The following PNPLA1 variants were observed in gnomAD, a reference collection of about 807,000 sequenced individuals.
PNPLA1 encodes omega-hydroxyceramide transacylase.
A neutral mutation model predicts 51.7 loss-of-function variants in PNPLA1; 36 were observed. The observed-to-expected ratio is 0.70, with a 90% CI of 0.53 to 0.92. The LOEUF is 0.92. Ranked by LOEUF, PNPLA1 falls within the 40% of genes least tolerant of loss-of-function variation. The probability of loss-of-function intolerance (pLI) is 0.00; values close to 1 mark genes in which losing one functional copy is unlikely to be tolerated. For missense variants in PNPLA1, 658 were observed against 682.5 expected (o/e 0.96, Z 0.40); for synonymous variants, 293 against 280.1 (o/e 1.05, Z -0.46).
At chr6:36,299,711 T>C (rs1770972942) in intron 5 of PNPLA1, among the ~76,000 whole-genome samples, 1 of 152,236 alleles carries the variant, frequency 6.6e-6, no homozygotes, top group Non-Finnish European at 1.5e-5. Flanking sequence ...TAACTTATTG[T>C]GGTTTTAATC....
intron 1 of PNPLA1, among the ~76,000 whole-genome samples, chr6:36,247,185 C>A (rs961383561): frequency 6.6e-6 from 1 of 152,142 alleles, no homozygotes; most frequent in African/African-American, 2.4e-5. Flanking sequence ...AAACCTCTTT[C>A]CGGCTCGTGC....
chr6:36,275,717 T>G (rs12202603), intron 1 of PNPLA1, among the ~76,000 whole-genome samples: 43,400 of 152,024 alleles, frequency 0.29, 6,267 homozygotes, highest in South Asian at 0.39. Context: ...TCCTTTTTTC[T>G]TCTTCAAATA....
chr6:36,257,438 A>G (rs1209589645), intron 1 of PNPLA1, among the ~76,000 whole-genome samples: 1 of 152,272 alleles, frequency 6.6e-6, no homozygotes, highest in African/African-American at 2.4e-5. Context: ...TAGATGGCAC[A>G]GCACATAGGC....
rs572933644 is a variant in PNPLA1 at position 36,282,396 on chromosome 6, A to C, written c.206-8924A>C. On this transcript the variant is annotated intron_variant, in intron 1 of 8. Transcript: ENST00000636260. ...GAACCAGTATCTTCCATCTCACTCA[A>C]ATGAACTTATGCTTTACATGTTTAA... Among the ~76,000 whole-genome samples, 8 of 152,326 alleles carry C rather than the reference A, an allele frequency of 5.3e-5. No homozygotes were observed. In the South Asian group the frequency reaches 1.7e-3, roughly 32 times the overall value.
At position 36,294,707 on chromosome 6, in the gene PNPLA1, C is replaced by G. The variant is rs1781708285; in HGVS notation, c.714+308C>G. 6.6e-6 allele frequency among the ~76,000 whole-genome samples: 1 copy of G among 152,176 alleles called. No individual in the cohort carries two copies. Among genetic ancestry groups the G allele is most frequent in the Non-Finnish European group, 1.5e-5 (1 of 68,038 alleles). On this transcript the variant is annotated intron_variant, in intron 4 of 8. Coordinates refer to ENST00000636260, the MANE Select transcript of PNPLA1 (RefSeq NM_001374623.1). This position sits in a 1 kb window ranked among gnomAD's most constrained non-coding sequence, Gnocchi z 4.2. ...ATGTCCCAAATCAAAGGTCGGCAAGCTGCAGCCCACGGGCCAAATCTAGCC... is the reference window on the plus strand; with the variant it reads ...ATGTCCCAAATCAAAGGTCGGCAAGGTGCAGCCCACGGGCCAAATCTAGCC...
chr6:36,277,560 A>G (rs956145653), intron 1 of PNPLA1, among the ~76,000 whole-genome samples: 3 of 152,196 alleles, frequency 2.0e-5, no homozygotes, highest in Admixed American at 2.0e-4. Flanking sequence ...GACCAAAACC[A>G]TGACTTCCTA....
rs149318492 is a variant in PNPLA1, at chr6:36,304,898, G to T, written c.1385-1394G>T. Among the ~76,000 whole-genome samples the T allele has an allele frequency of 3.9e-4, 60 of 152,258 alleles. 1 individual carries two copies. In the East Asian group the frequency reaches 0.011, roughly 28 times the overall value. ...TTTAGCAATGTCTGCAGACATTTTGGTTGTCACCTAGTGGTTACAGGCTGG... is the reference window on the plus strand; with the variant it reads ...TTTAGCAATGTCTGCAGACATTTTGTTTGTCACCTAGTGGTTACAGGCTGG... On this transcript the variant is annotated intron_variant, in intron 6 of 8. Transcript: ENST00000636260.
intron 5 of PNPLA1, among the ~76,000 whole-genome samples, chr6:36,300,356 G>T (rs557882064): frequency 2.0e-4 from 30 of 152,018 alleles, no homozygotes; most frequent in Admixed American, 1.4e-3. Flanking sequence ...CACTACCCCC[G>T]GCTAATTTTT....
intron 1 of PNPLA1, among the ~76,000 whole-genome samples, chr6:36,256,323 T>A (rs775235471): frequency 8.6e-5 from 13 of 150,584 alleles, no homozygotes; most frequent in Admixed American, 2.0e-4. Flanking sequence ...AGAACCTGTC[T>A]TAGAAAAAAA....
At chr6:36,282,795 C>T (rs1482183070) in intron 1 of PNPLA1, among the ~76,000 whole-genome samples, 1 of 152,182 alleles carries the variant, frequency 6.6e-6, no homozygotes, top group Non-Finnish European at 1.5e-5. Flanking sequence ...AAGCAATTCT[C>T]CTGCCTCAGC....
At chr6:36,276,652 T>C (rs1445750492) in intron 1 of PNPLA1, among the ~76,000 whole-genome samples, 2 of 152,226 alleles carry the variant, frequency 1.3e-5, no homozygotes, top group East Asian at 3.8e-4. Flanking sequence ...TTTGGCAGAC[T>C]TAAAACCCTA....
chr6:36,277,399 A>T (rs1770138723), intron 1 of PNPLA1, among the ~76,000 whole-genome samples: 1 of 152,222 alleles, frequency 6.6e-6, no homozygotes, highest in South Asian at 2.1e-4. Context: ...TGTAGACTTT[A>T]TTTTTGGGAG....
chr6:36,248,471 C>T (rs377420180), intron 1 of PNPLA1, among the ~76,000 whole-genome samples: 1 of 152,068 alleles, frequency 6.6e-6, no homozygotes, highest in Non-Finnish European at 1.5e-5. Context: ...CACTCGGGCT[C>T]GTGCTTATAA....
intron 1 of PNPLA1, among the ~76,000 whole-genome samples, chr6:36,273,251 T>TAAATA (rs1554135523): frequency 1.4e-5 from 2 of 146,554 alleles, no homozygotes; most frequent in East Asian, 2.0e-4. Flanking sequence ...AATAAATAAA[T>TAAATA]AATAAATAAA....
At chr6:36,292,860 T>C (rs75208499) in intron 2 of PNPLA1, among the ~76,000 whole-genome samples, 1,688 of 152,262 alleles carry the variant, frequency 0.011, 28 homozygotes, top group South Asian at 0.04. Context: ...CAGGGCCAGA[T>C]GGACCAAGCA....
intron 1 of PNPLA1, among the ~76,000 whole-genome samples, chr6:36,281,984 T>C (rs1203612885): frequency 6.8e-6 from 1 of 147,616 alleles, no homozygotes; most frequent in Admixed American, 7.0e-5. Flanking sequence ...GATCGCACCA[T>C]TGCCCTCCAG....
At chr6:36,290,867 C>T (rs552171360) in intron 1 of PNPLA1, among the ~76,000 whole-genome samples, 5 of 152,136 alleles carry the variant, frequency 3.3e-5, no homozygotes, top group African/African-American at 1.2e-4. Context: ...AGCAAGTATC[C>T]CAGGGCGTCA....
intron 1 of PNPLA1, among the ~76,000 whole-genome samples, chr6:36,280,981 C>CG (rs1482017926): frequency 1.3e-5 from 2 of 152,094 alleles, no homozygotes; most frequent in South Asian, 2.1e-4. Flanking sequence ...TTTGTAAAGA[C>CG]GGGGTCTCAC....
At chr6:36,305,540 G>A (rs13203654) in intron 6 of PNPLA1, among the ~76,000 whole-genome samples, 24,227 of 151,816 alleles carry the variant, frequency 0.16, 2,055 homozygotes, top group African/African-American at 0.21. Flanking sequence ...TAACCTTCAT[G>A]TATTATGTAT....
Sources: allele counts gnomAD v4.1 joint callset (sites outside exome capture counted in the v4.1 genomes callset), GRCh38; gene constraint gnomAD v4.1.1; non-coding constraint Gnocchi (gnomAD v3.1); transcripts MANE v1.5; gene names NCBI Gene and HGNC (gene_info 2026-07-23, HGNC 2026-07-21).